LYN: variants seen among roughly 807,000 people sequenced by gnomAD.
The protein encoded by LYN is tyrosine-protein kinase Lyn.
LYN carries 12 observed loss-of-function variants against 65.0 expected under a neutral mutation model. The ratio of observed to expected loss-of-function variants is 0.18; its 90% CI spans 0.12 to 0.30. The LOEUF (loss-of-function observed/expected upper bound fraction) is 0.30, where lower values mean the gene tolerates loss of function less well. Among genes scored for constraint, LYN ranks in the 10% least tolerant of loss-of-function variants. The probability of loss-of-function intolerance (pLI) is 1.00; values close to 1 mark genes in which losing one functional copy is unlikely to be tolerated. For synonymous variants in LYN, 222 were observed against 221.2 expected, an observed-to-expected ratio of 1.00 and a Z score of -0.03; for missense variants, 380 against 623.2, an observed-to-expected ratio of 0.61 and a Z score of 4.16.
chr8:55,880,438 G>A (rs1011138016), intron 1 of LYN, among the ~76,000 whole-genome samples: 2 of 152,118 alleles, frequency 1.3e-5, no homozygotes, highest in Admixed American at 6.5e-5. Flanking sequence ...GAGGGCCCGA[G>A]GGCCGGCTGC....
intron 12 of LYN, among the ~76,000 whole-genome samples, chr8:56,003,630 C>T (rs563469743): frequency 1.2e-4 from 18 of 150,962 alleles, no homozygotes; most frequent in African/African-American, 2.2e-4. Flanking sequence ...AGCCGAGATG[C>T]GCCACTGCAC....
At chr8:55,905,276 G>A (rs1266140235) in intron 1 of LYN, among the ~76,000 whole-genome samples, 2 of 152,122 alleles carry the variant, frequency 1.3e-5, no homozygotes, top group African/African-American at 4.8e-5. Context: ...GCCAGGCGTG[G>A]TGGCAGGCAC....
chr8:55,882,959 G>A (rs908281899), intron 1 of LYN, among the ~76,000 whole-genome samples: 97 of 152,132 alleles, frequency 6.4e-4, no homozygotes, highest in African/African-American at 2.3e-3. Context: ...AAACCCAATC[G>A]TAAGTTGAAA....
intron 10 of LYN, among the ~76,000 whole-genome samples, chr8:55,986,361 A>G (rs1017310422): frequency 6.6e-6 from 1 of 152,210 alleles, no homozygotes; most frequent in African/African-American, 2.4e-5. Context: ...GGTTTTGATA[A>G]TATCTATCTT....
chr8:55,955,755 C>T lies in LYN; in HGVS notation c.790+1771C>T, dbSNP rs1807088659. On this transcript the variant is annotated intron_variant, in intron 8 of 12. Transcript: ENST00000519728. ...ATGAATTTAACCACTCTAGGTACCT[C>T]ATATAAGTGGAATCATTTATTTGCC... Among the ~76,000 whole-genome samples the T allele has an allele frequency of 2.6e-5, 4 of 152,336 alleles. No individual in the cohort carries two copies. In the South Asian group the frequency reaches 8.3e-4, roughly 32 times the overall value.
At chr8:55,929,343 A>G (rs1026057073) in intron 1 of LYN, among the ~76,000 whole-genome samples, 2 of 152,196 alleles carry the variant, frequency 1.3e-5, no homozygotes, top group Admixed American at 6.5e-5. Flanking sequence ...TACAGTCGGG[A>G]TGATGCTTTT....
intron 1 of LYN, among the ~76,000 whole-genome samples, chr8:55,896,883 G>A (rs1368325769): frequency 6.6e-6 from 1 of 152,122 alleles, no homozygotes; most frequent in East Asian, 1.9e-4. Context: ...GGGACTACAG[G>A]TGCCCGCCAT....
intron 1 of LYN, among the ~76,000 whole-genome samples, chr8:55,905,688 C>T (rs1805400222): frequency 6.6e-6 from 1 of 152,124 alleles, no homozygotes; most frequent in African/African-American, 2.4e-5. Flanking sequence ...CTTAAGAGGC[C>T]TATGGGATGG....
chr8:55,988,366 C>G (rs1808141965), intron 10 of LYN, among the ~76,000 whole-genome samples: 1 of 148,822 alleles, frequency 6.7e-6, no homozygotes, highest in African/African-American at 2.5e-5. Flanking sequence ...ATTAAATGGT[C>G]TTTTTAGGTC....
intron 1 of LYN, among the ~76,000 whole-genome samples, chr8:55,923,987 A>G (rs1395026893): frequency 6.6e-6 from 1 of 152,020 alleles, no homozygotes; most frequent in African/African-American, 2.4e-5. Context: ...ACCCTGCCGC[A>G]CAACTTCTCC....
At chr8:55,945,183 A>G (rs535738283) in intron 2 of LYN, among the ~76,000 whole-genome samples, 1 of 152,350 alleles carries the variant, frequency 6.6e-6, no homozygotes, top group Admixed American at 6.5e-5. Context: ...GAGCAATAGT[A>G]TATGTGTGGC....
intron 9 of LYN, among the ~76,000 whole-genome samples, chr8:55,968,300 G>A (rs1807517492): frequency 6.6e-6 from 1 of 152,048 alleles, no homozygotes; most frequent in Admixed American, 6.5e-5. Context: ...CTATCACCCA[G>A]GCTGGAGTGC....
chr8:55,986,104 G>T (rs1220061831), intron 10 of LYN, among the ~76,000 whole-genome samples: 1 of 152,020 alleles, frequency 6.6e-6, no homozygotes, highest in African/African-American at 2.4e-5. Flanking sequence ...TGTAGGTTGA[G>T]GCTGCAGTGA....
chr8:55,944,768 A>G (rs1401067257), intron 2 of LYN, among the ~76,000 whole-genome samples: 2 of 152,234 alleles, frequency 1.3e-5, no homozygotes, highest in Non-Finnish European at 2.9e-5. Context: ...GGCGTGAGCC[A>G]CCACACCCAG....
chr8:55,960,317 A>AT (rs1463030532), intron 8 of LYN, among the ~76,000 whole-genome samples: 1 of 152,144 alleles, frequency 6.6e-6, no homozygotes, highest in East Asian at 1.9e-4. Context: ...ATCACCGTTC[A>AT]TTTTTTAATT....
chr8:55,972,070 G>A (rs115737585), intron 10 of LYN, among the ~76,000 whole-genome samples: 2,353 of 152,210 alleles, frequency 0.015, 56 homozygotes, highest in African/African-American at 0.053. Context: ...AATCCAGCCC[G>A]TGCCAGGTGA....
intron 1 of LYN, 53 bp downstream of exon 1, chr8:55,880,156 G>A (rs1207217988): frequency 4.0e-5 from 8 of 200,006 alleles, no homozygotes; most frequent in African/African-American, 1.4e-4. Context: ...GGCAGTGGGT[G>A]CAGGGGCCGC....
intron 1 of LYN, among the ~76,000 whole-genome samples, chr8:55,924,739 G>C (rs1432949772): frequency 6.6e-6 from 1 of 152,094 alleles, no homozygotes; most frequent in Non-Finnish European, 1.5e-5. Context: ...TAAACTCCTA[G>C]AGTGAGTTTA....
At position 56,010,851 on chromosome 8, in the gene LYN, A is replaced by G. The variant is rs938347704; in HGVS notation, c.*741A>G. ...CCGGGCTCACCTGGACCTCCCAGGA[A>G]AGGGAGAAGAGCCTCAGAAACTGCT... On this transcript the variant is annotated 3_prime_UTR_variant, in exon 13 of 13. Coordinates refer to ENST00000519728, the MANE Select transcript of LYN (RefSeq NM_002350.4). 1 of 229,490 alleles carries G rather than the reference A, an allele frequency of 4.4e-6. No homozygotes were observed. The allele number at this position is 229,490 out of a possible 1,614,324, so 14.2% of individuals were successfully genotyped here.
Sources: gnomAD v4.1 joint callset for allele counts (sites outside exome capture counted in the v4.1 genomes callset) on GRCh38, gnomAD v4.1.1 for gene constraint, MANE v1.5 for transcripts, NCBI Gene and HGNC (gene_info 2026-07-23, HGNC 2026-07-21) for gene names.